ROR1: variants seen among roughly 807,000 people sequenced by gnomAD.
The protein encoded by ROR1 is inactive tyrosine-protein kinase transmembrane receptor ROR1.
ROR1 carries 19 observed loss-of-function variants against 78.8 expected under a neutral mutation model. That is an observed-to-expected ratio of 0.24 (90% CI 0.17 to 0.35). ROR1 has a LOEUF of 0.35. Among genes scored for constraint, ROR1 ranks in the 10% least tolerant of loss-of-function variants. ROR1 has a pLI of 1.00. For synonymous variants in ROR1, 386 were observed against 433.6 expected (o/e 0.89, Z 1.36); for missense variants, 917 against 1,177.8 (o/e 0.78, Z 3.24).
intron 4 of ROR1, among the ~76,000 whole-genome samples, chr1:64,126,371 A>C (rs1648715182): frequency 6.6e-6 from 1 of 152,142 alleles, no homozygotes; most frequent in Admixed American, 6.5e-5. Context: ...GTCACTGAAC[A>C]TTTGTGAGAA....
chr1:64,061,537 A>G (rs75207305), intron 4 of ROR1, among the ~76,000 whole-genome samples: 6,752 of 152,254 alleles, frequency 0.044, 506 homozygotes, highest in African/African-American at 0.15. Flanking sequence ...TGGGGTTGTT[A>G]TTAAAATGCA....
At chr1:63,964,979 T>C (rs187310859) in intron 1 of ROR1, among the ~76,000 whole-genome samples, 124 of 152,350 alleles carry the variant, frequency 8.1e-4, no homozygotes, top group Non-Finnish European at 1.4e-3. Context: ...GTGAAGTCTG[T>C]GTTCAACTTT....
At chr1:63,911,453 A>G (rs1645569156) in intron 1 of ROR1, among the ~76,000 whole-genome samples, 1 of 152,130 alleles carries the variant, frequency 6.6e-6, no homozygotes, top group African/African-American at 2.4e-5. Context: ...TCAGATCAGC[A>G]TTAGATTCTC....
chr1:63,797,006 A>T (rs1195846956), intron 1 of ROR1, among the ~76,000 whole-genome samples: 1 of 152,198 alleles, frequency 6.6e-6, no homozygotes, highest in Admixed American at 6.5e-5. Flanking sequence ...TTGATGTTCT[A>T]TATTTTTTCT....
At position 63,883,065 on chromosome 1, in the gene ROR1, G is replaced by A. The variant is rs190892532; in HGVS notation, c.91+108557G>A. Among the ~76,000 whole-genome samples the A allele has an allele frequency of 1.6e-3, 245 of 152,262 alleles. 2 individuals are homozygous for A. Among genetic ancestry groups the A allele is most frequent in the Admixed American group, 6.7e-3 (102 of 15,290 alleles). ...TTCTCAATGAAGCCTCCAATGATGG[G>A]AGCTTCTTTGAAGTGGAAAGGGCAA... On this transcript the variant is annotated intron_variant, in intron 1 of 8. Coordinates refer to ENST00000371079, the MANE Select transcript of ROR1 (RefSeq NM_005012.4).
chr1:63,948,695 G>A (rs1178846115), intron 1 of ROR1, among the ~76,000 whole-genome samples: 1 of 152,182 alleles, frequency 6.6e-6, no homozygotes, highest in Non-Finnish European at 1.5e-5. Context: ...GCCTTTGGAA[G>A]GTGATTAGGT....
At chr1:63,992,998 C>T (rs1376780181) in intron 1 of ROR1, among the ~76,000 whole-genome samples, 1 of 152,110 alleles carries the variant, frequency 6.6e-6, no homozygotes, top group African/African-American at 2.4e-5. Flanking sequence ...TATTAGATAC[C>T]TAATAAGTGT....
chr1:63,841,677 A>G (rs1200962805), intron 1 of ROR1, among the ~76,000 whole-genome samples: 1 of 152,228 alleles, frequency 6.6e-6, no homozygotes, highest in Non-Finnish European at 1.5e-5. Context: ...TTTAATTTAA[A>G]TAAAGGATAC....
At chr1:63,977,152 C>T (rs1290606447) in intron 1 of ROR1, among the ~76,000 whole-genome samples, 2 of 152,120 alleles carry the variant, frequency 1.3e-5, no homozygotes, top group Non-Finnish European at 2.9e-5. Context: ...TAATTGCCCC[C>T]CATGATTCAT....
At chr1:64,165,393 T>C (rs1217983863) in intron 8 of ROR1, among the ~76,000 whole-genome samples, 1 of 152,220 alleles carries the variant, frequency 6.6e-6, no homozygotes, top group African/African-American at 2.4e-5. Context: ...TGTCTTCTTT[T>C]GAAAAGTGTC....
intron 8 of ROR1, among the ~76,000 whole-genome samples, chr1:64,171,851 C>A (rs1650252475): frequency 6.6e-6 from 1 of 152,204 alleles, no homozygotes; most frequent in African/African-American, 2.4e-5. Context: ...AGTGACAGAG[C>A]AGGCTTCATG....
intron 1 of ROR1, among the ~76,000 whole-genome samples, chr1:63,795,601 C>A (rs958925698): frequency 3.9e-5 from 6 of 152,042 alleles, no homozygotes; most frequent in African/African-American, 1.4e-4. Context: ...CAGTTCCAAG[C>A]CACAGAAGCC....
chr1:64,163,920 T>C (rs1237642143), intron 8 of ROR1, among the ~76,000 whole-genome samples: 1 of 152,194 alleles, frequency 6.6e-6, no homozygotes, highest in Non-Finnish European at 1.5e-5. Context: ...ACCATTCTAT[T>C]AACATGGGCC....
chr1:64,015,654 G>A (rs1199407775), intron 2 of ROR1, among the ~76,000 whole-genome samples: 1 of 152,154 alleles, frequency 6.6e-6, no homozygotes, highest in Non-Finnish European at 1.5e-5. Context: ...GTTGAAGGTG[G>A]TATTGTAAGG....
chr1:63,826,106 T>A (rs936994600), intron 1 of ROR1, among the ~76,000 whole-genome samples: 4 of 152,180 alleles, frequency 2.6e-5, no homozygotes, highest in Admixed American at 2.6e-4. Flanking sequence ...ATTTTTTAGC[T>A]TTTAAGTTCA....
chr1:63,852,858 A>T (rs908396067), intron 1 of ROR1, among the ~76,000 whole-genome samples: 7 of 152,230 alleles, frequency 4.6e-5, no homozygotes, highest in African/African-American at 7.2e-5. Context: ...CTTTATACAG[A>T]TGGAGAAAGT....
At chr1:64,099,389 A>T (rs1647428880) in intron 4 of ROR1, among the ~76,000 whole-genome samples, 1 of 152,020 alleles carries the variant, frequency 6.6e-6, no homozygotes, top group African/African-American at 2.4e-5. Context: ...GTAAATATGA[A>T]TAGCTGCTAA....
intron 4 of ROR1, among the ~76,000 whole-genome samples, chr1:64,067,710 C>CTTTTTTTTTTTTTTTTTTTTTTTTTTTTT (rs986756579): frequency 9.5e-6 from 1 of 105,698 alleles, no homozygotes. Flanking sequence ...TAAATAAATT[C>CTTTTTTTTTTTTTTTTTTTTTTTTTTTTT]TTTTTTTTTT....
chr1:64,012,302 T>A (rs1445554504), intron 2 of ROR1, among the ~76,000 whole-genome samples: 4 of 152,176 alleles, frequency 2.6e-5, no homozygotes, highest in African/African-American at 9.7e-5. Context: ...GCTGAGGATG[T>A]GATACAGAAA....
Sources: allele counts gnomAD v4.1 joint callset (sites outside exome capture counted in the v4.1 genomes callset), GRCh38; gene constraint gnomAD v4.1.1; transcripts MANE v1.5; gene names NCBI Gene and HGNC (gene_info 2026-07-23, HGNC 2026-07-21).